Variants in NFIA observed in about 807,000 individuals in gnomAD.
NFIA encodes nuclear factor 1 A-type.
Under a neutral mutation model 62.8 loss-of-function variants are expected in NFIA, and 8 were observed. The observed-to-expected ratio is 0.13, with a 90% CI of 0.07 to 0.23. NFIA has a LOEUF of 0.23. NFIA is among the 10% of genes least tolerant of loss of function. NFIA has a pLI of 1.00. For missense variants in NFIA, 410 were observed against 642.1 expected (o/e 0.64, Z 3.91); for synonymous variants, 235 against 238.1 (o/e 0.99, Z 0.12).
At chr1:61,116,657 A>C (rs1339890668) in intron 2 of NFIA, among the ~76,000 whole-genome samples, 3 of 152,350 alleles carry the variant, frequency 2.0e-5, no homozygotes, top group South Asian at 2.1e-4. Flanking sequence ...CTCTAGAAAT[A>C]AATTATCAAC....
chr1:61,435,869 A>G (rs1667305362), intron 10 of NFIA, among the ~76,000 whole-genome samples: 1 of 152,136 alleles, frequency 6.6e-6, no homozygotes, highest in Non-Finnish European at 1.5e-5. Context: ...TGCACTTTTC[A>G]ACTCCAGTAG....
At chr1:61,276,483 A>G (rs1570496068) in intron 2 of NFIA, among the ~76,000 whole-genome samples, 1 of 152,324 alleles carries the variant, frequency 6.6e-6, no homozygotes, top group East Asian at 1.9e-4. Context: ...AGTCAAGTTG[A>G]AGTTAGGATG....
intron 2 of NFIA, among the ~76,000 whole-genome samples, chr1:61,216,407 A>T (rs1193115287): frequency 6.6e-6 from 1 of 152,174 alleles, no homozygotes; most frequent in Non-Finnish European, 1.5e-5. Context: ...TAAACATTTC[A>T]AAGAAGGCCT....
chr1:61,210,323 T>TTATG lies in NFIA; in HGVS notation c.560-67196_560-67193dup, dbSNP rs781473910. The stretch of plus-strand genomic sequence containing the variant: ...GATGAAACAACCCAATTTTGCTGTG[T>TTATG]TATGGTATTCCTGTTTTCAGAAAAA... On this transcript the variant is annotated intron_variant, in intron 2 of 10. Coordinates refer to ENST00000403491, the MANE Select transcript of NFIA (RefSeq NM_001134673.4). Among the ~76,000 whole-genome samples, 6 of 152,360 alleles carry TTATG rather than the reference T, an allele frequency of 3.9e-5. No individual in the cohort carries two copies. In the East Asian group the frequency reaches 1.2e-3, roughly 29 times the overall value.
chr1:61,188,181 G>A (rs1427882645), intron 2 of NFIA, among the ~76,000 whole-genome samples: 1 of 152,014 alleles, frequency 6.6e-6, no homozygotes, highest in Admixed American at 6.6e-5. Flanking sequence ...GGAGTAACTG[G>A]GACCACAGGT....
At chr1:61,137,642 G>A (rs927147464) in intron 2 of NFIA, among the ~76,000 whole-genome samples, 1 of 152,096 alleles carries the variant, frequency 6.6e-6, no homozygotes, top group Non-Finnish European at 1.5e-5. Context: ...TGGGATCTGG[G>A]CGTTAGCATT....
chr1:61,178,961 C>T (rs1261664942), intron 2 of NFIA, among the ~76,000 whole-genome samples: 2 of 152,352 alleles, frequency 1.3e-5, no homozygotes, highest in East Asian at 3.9e-4. Context: ...GACTGTAGAA[C>T]ATGCCTCATT....
intron 2 of NFIA, among the ~76,000 whole-genome samples, chr1:61,130,393 T>A (rs1451100624): frequency 6.6e-6 from 1 of 152,224 alleles, no homozygotes; most frequent in African/African-American, 2.4e-5. Flanking sequence ...CTTTCAGATC[T>A]TCTGTAACCT....
At chr1:61,174,019 G>C (rs780927127) in intron 2 of NFIA, among the ~76,000 whole-genome samples, 5 of 152,180 alleles carry the variant, frequency 3.3e-5, no homozygotes, top group African/African-American at 1.2e-4. Context: ...TAGAGGTGAC[G>C]AGAGAAGTGG....
chr1:61,438,330 G>T (rs114544485), intron 10 of NFIA, among the ~76,000 whole-genome samples: 1 of 152,164 alleles, frequency 6.6e-6, no homozygotes, highest in Non-Finnish European at 1.5e-5. Context: ...CCAGTGTGTG[G>T]TGCTGCCTTT....
At chr1:61,136,712 A>T (rs113995901) in intron 2 of NFIA, among the ~76,000 whole-genome samples, 4 of 152,192 alleles carry the variant, frequency 2.6e-5, no homozygotes, top group Non-Finnish European at 5.9e-5. Flanking sequence ...GGATCTTTAT[A>T]TGCTGGGAGA....
intron 10 of NFIA, among the ~76,000 whole-genome samples, chr1:61,452,397 C>T (rs1342134786): frequency 1.3e-5 from 2 of 152,116 alleles, no homozygotes; most frequent in Non-Finnish European, 2.9e-5. Flanking sequence ...GGTCAAGTAG[C>T]TGGGTTAATT....
intron 3 of NFIA, among the ~76,000 whole-genome samples, chr1:61,297,894 TA>T (rs1659276677): frequency 6.6e-6 from 1 of 152,118 alleles, no homozygotes; most frequent in South Asian, 2.1e-4. Context: ...TCCAAAAAAA[TA>T]AAAAAGCACC....
intron 2 of NFIA, among the ~76,000 whole-genome samples, chr1:61,232,978 A>G (rs1654770227): frequency 6.6e-6 from 1 of 152,060 alleles, no homozygotes; most frequent in Admixed American, 6.6e-5. Flanking sequence ...TTTTTTTCTC[A>G]GAATTGTAAT....
chr1:61,104,132 AT>A (rs1288023580), intron 2 of NFIA, among the ~76,000 whole-genome samples: 1 of 152,156 alleles, frequency 6.6e-6, no homozygotes, highest in African/African-American at 2.4e-5. Context: ...AAGGATTTCA[AT>A]TTAATGCTAT....
intron 3 of NFIA, among the ~76,000 whole-genome samples, chr1:61,329,582 A>G (rs944271064): frequency 3.3e-5 from 5 of 150,784 alleles, no homozygotes; most frequent in East Asian, 2.0e-4. Context: ...GGGTTTCACT[A>G]TGTTGGCCAA....
chr1:61,400,707 G>A (rs1236831461), intron 7 of NFIA, among the ~76,000 whole-genome samples: 1 of 151,986 alleles, frequency 6.6e-6, no homozygotes, highest in African/African-American at 2.4e-5. Flanking sequence ...ACCATTCTTC[G>A]TGCATTCCAT....
intron 2 of NFIA, among the ~76,000 whole-genome samples, chr1:61,223,369 T>C (rs959877602): frequency 2.0e-5 from 3 of 152,006 alleles, no homozygotes; most frequent in Non-Finnish European, 4.4e-5. Flanking sequence ...TTAAAAAAAG[T>C]AGCTTTAATG....
chr1:61,166,244 T>A (rs1649557176), intron 2 of NFIA, among the ~76,000 whole-genome samples: 1 of 152,234 alleles, frequency 6.6e-6, no homozygotes, highest in Non-Finnish European at 1.5e-5. Context: ...TGAGAGATTA[T>A]GCCAGACGCA....
Sources: allele counts gnomAD v4.1 joint callset (sites outside exome capture counted in the v4.1 genomes callset), GRCh38; gene constraint gnomAD v4.1.1; transcripts MANE v1.5; gene names NCBI Gene and HGNC (gene_info 2026-07-23, HGNC 2026-07-21).